DYRK4: variants seen among roughly 807,000 people sequenced by gnomAD.
DYRK4 encodes the protein dual specificity tyrosine phosphorylation regulated kinase 4.
A neutral mutation model predicts 68.3 loss-of-function variants in DYRK4; 64 were observed. That is an observed-to-expected ratio of 0.94 (90% CI 0.77 to 1.15). The LOEUF is 1.15. Among genes scored for constraint, DYRK4 ranks in the 50% most tolerant of loss-of-function variants. DYRK4 has a pLI of 0.00. For missense variants in DYRK4, 740 were observed against 764.7 expected (o/e 0.97, Z 0.38); for synonymous variants, 274 against 289.9 (o/e 0.95, Z 0.56).
chr12:4,565,616 T>G (rs76223878), intron 1 of DYRK4, among the ~76,000 whole-genome samples: 1 of 149,238 alleles, frequency 6.7e-6, no homozygotes, highest in Non-Finnish European at 1.5e-5. Context: ...GTTTGGAAGA[T>G]TTCACATTTA....
At chr12:4,576,782 T>C (rs1944793844) in intron 2 of DYRK4, among the ~76,000 whole-genome samples, 1 of 152,260 alleles carries the variant, frequency 6.6e-6, no homozygotes, top group Non-Finnish European at 1.5e-5. Context: ...TCTTTTCATA[T>C]GCATATTTGA....
chr12:4,590,517 C>T (rs1207304305), intron 4 of DYRK4, 77 bp downstream of exon 4: 1 of 1,505,894 alleles, frequency 6.6e-7, no homozygotes, highest in African/African-American at 1.4e-5. Flanking sequence ...TTAGAAAGGC[C>T]CAGGATAGTG....
At chr12:4,604,475 T>C (rs1565541651) in intron 10 of DYRK4, among the ~76,000 whole-genome samples, 1 of 152,170 alleles carries the variant, frequency 6.6e-6, no homozygotes, top group Non-Finnish European at 1.5e-5. Flanking sequence ...GTGCACATGC[T>C]ATATTGAATA....
chr12:4,612,834 A>C, intron 14 of DYRK4, 116 bp downstream of exon 14: 2 of 1,167,860 alleles, frequency 1.7e-6, no homozygotes, highest in East Asian at 5.0e-5. Context: ...TGGAAATTAA[A>C]ATCTTTGTTT....
At chr12:4,574,091 G>A (rs1944759713) in intron 2 of DYRK4, among the ~76,000 whole-genome samples, 1 of 152,048 alleles carries the variant, frequency 6.6e-6, no homozygotes. Context: ...CGTGCGTGGT[G>A]GCGGGTGCCT....
At chr12:4,610,866 G>C (rs115745671) in intron 13 of DYRK4, among the ~76,000 whole-genome samples, 1 of 152,144 alleles carries the variant, frequency 6.6e-6, no homozygotes, top group Admixed American at 6.5e-5. Flanking sequence ...TACTTAAGTC[G>C]TAGTACCCAG....
At position 4,607,217 on chromosome 12, in the gene DYRK4, T is replaced by C. The variant is rs200012047; in HGVS notation, c.1300-110T>C. On this transcript the variant is annotated intron_variant, in intron 11 of 14. Transcript: ENST00000543431. The stretch of plus-strand genomic sequence containing the variant: ...CTGACCAGATGTTATTACTTAATGC[T>C]TTGAATCCTTATCTGTAGAAGGCAA... 2.4e-6 allele frequency: 3 copies of C among 1,257,944 alleles called. No homozygotes were observed. The East Asian group carries it at 7.2e-5, about 30-fold the overall frequency. 77.9% of individuals were successfully genotyped at this position (1,257,944 alleles called of 1,614,324 possible). A position where few individuals can be genotyped will look rare whatever the true frequency, so the allele number is the denominator to read the frequency against.
Position 4,599,081 on chromosome 12 carries a change from C to T in DYRK4, c.959C>T (p.Ser320Phe), listed in dbSNP as rs768672305. 2.5e-6 allele frequency: 4 copies of T among 1,614,096 alleles called. No homozygotes were observed. The highest frequency in any genetic ancestry group is 2.5e-6 in the Non-Finnish European group (3 of 1,180,008). Residue 320 changes from serine (S) to phenylalanine (F), a missense_variant, in exon 9 of 15, where the codon TCC (serine) becomes TTC (phenylalanine). This residue lies in a region of DYRK4 where 614 missense variants were observed against 603.7 expected (regional missense o/e 1.02). Coordinates refer to ENST00000543431, the MANE Select transcript of DYRK4 (RefSeq NM_001394779.1). ...KNNNFQGFSL[S>F]IVRRFTLSVL... ...AACAACTTTCAAGGCTTCAGTCTGT[C>T]CATAGTTCGGCGCTTCACTCTCTCT...
In DYRK4 at chr12:4,598,431, C is replaced by T. The variant is rs114377401; in HGVS notation, c.906-597C>T. ...GCATTGTATTAATATTAGTTTCTAA[C>T]ATTCGTAAGTCTGTAGACTTCATAT... On this transcript the variant is annotated intron_variant, in intron 8 of 14. Transcript: ENST00000543431. 7.7e-3 allele frequency among the ~76,000 whole-genome samples: 1,179 copies of T among 152,310 alleles called. 12 individuals carry two copies. The highest frequency in any genetic ancestry group is 0.027 in the African/African-American group (1,102 of 41,552).
intron 1 of DYRK4, chr12:4,563,134 T>A (rs1045134517): frequency 6.6e-6 from 3 of 455,982 alleles, no homozygotes; most frequent in African/African-American, 6.0e-5. Flanking sequence ...AATGAAAATG[T>A]CCTTTGTCTT....
chr12:4,569,891 G>A (rs1480164344), intron 2 of DYRK4, among the ~76,000 whole-genome samples: 2 of 151,990 alleles, frequency 1.3e-5, no homozygotes, highest in Non-Finnish European at 2.9e-5. Context: ...TTGCAGTTAC[G>A]ATGACGGGAA....
intron 2 of DYRK4, among the ~76,000 whole-genome samples, chr12:4,586,815 C>T (rs1006423594): frequency 2.6e-5 from 4 of 152,166 alleles, no homozygotes; most frequent in African/African-American, 9.7e-5. Flanking sequence ...GCAAAGATCG[C>T]TCTCTCCATT....
intron 2 of DYRK4, among the ~76,000 whole-genome samples, chr12:4,582,177 C>T (rs1165098746): frequency 6.6e-6 from 1 of 152,216 alleles, no homozygotes; most frequent in Non-Finnish European, 1.5e-5. Context: ...GGAGCAGTGG[C>T]TCACGCCTGT....
chr12:4,596,712 C>T lies in DYRK4; in HGVS notation c.888C>T (p.Ile296=), dbSNP rs1408277082. 6.2e-7 allele frequency: 1 copy of T among 1,613,972 alleles called. No homozygotes were observed. The highest frequency in any genetic ancestry group is 8.5e-7 in the Non-Finnish European group (1 of 1,180,032). ...DFFYFRNHFC[I]TFELLGINLY... ...TCTACTTTCGCAATCACTTCTGCAT[C>T]ACCTTTGAGCTCCTGGGGTCAGCTG... The change falls in exon 8 of 15, where the codon ATC becomes ATT. Residue 296 remains isoleucine (I), a synonymous_variant. Transcript: ENST00000543431.
chr12:4,612,493 A>G (rs768718511), intron 13 of DYRK4, 50 bp from the exon 14 acceptor site: 1 of 1,547,310 alleles, frequency 6.5e-7, no homozygotes, highest in African/African-American at 1.4e-5. Flanking sequence ...GTTTTAATAT[A>G]TTAAAAGGAA....
chr12:4,609,351 C>T (rs1003407154), intron 12 of DYRK4, among the ~76,000 whole-genome samples: 4 of 152,160 alleles, frequency 2.6e-5, no homozygotes, highest in African/African-American at 7.2e-5. Flanking sequence ...GGGAAGATTG[C>T]GATAGGACCC....
chr12:4,607,692 C>T (rs186669253), intron 12 of DYRK4, among the ~76,000 whole-genome samples: 97 of 152,248 alleles, frequency 6.4e-4, no homozygotes, highest in African/African-American at 1.9e-3. Flanking sequence ...CATCCTCTCC[C>T]GGAAGTTCTC....
intron 10 of DYRK4, chr12:4,602,006 A>G (rs1289237554): frequency 2.9e-6 from 1 of 340,254 alleles, no homozygotes; most frequent in Non-Finnish European, 5.5e-6. Flanking sequence ...CAAAATAGGA[A>G]TCATTTTATT....
At chr12:4,568,230 A>G (rs1944695990) in intron 2 of DYRK4, among the ~76,000 whole-genome samples, 182 bp downstream of exon 2, 1 of 152,160 alleles carries the variant, frequency 6.6e-6, no homozygotes, top group Non-Finnish European at 1.5e-5. Flanking sequence ...AAATCAGCAG[A>G]AGGGCAAGGC....
Sources: allele counts gnomAD v4.1 joint callset (sites outside exome capture counted in the v4.1 genomes callset), GRCh38; gene constraint gnomAD v4.1.1; regional missense constraint gnomAD v4.1.1; transcripts MANE v1.5; gene names NCBI Gene and HGNC (gene_info 2026-07-23, HGNC 2026-07-21).